CD300E: variants seen among roughly 807,000 people sequenced by gnomAD.
The protein encoded by CD300E is CD300e molecule.
A neutral mutation model predicts 20.9 loss-of-function variants in CD300E; 14 were observed. That is an observed-to-expected ratio of 0.67 (90% CI 0.44 to 1.05). CD300E has a LOEUF of 1.05. Ranked by LOEUF, CD300E falls within the 50% of genes least tolerant of loss-of-function variation. CD300E has a pLI of 0.00. For missense variants in CD300E, 237 were observed against 253.9 expected (o/e 0.93, Z 0.45); for synonymous variants, 102 against 103.7 (o/e 0.98, Z 0.10).
Position 74,617,272 on chromosome 17 carries a change from G to A in CD300E, c.234C>T (p.Ile78=), listed in dbSNP as rs921242138. 6.2e-7 allele frequency: 1 copy of A among 1,614,102 alleles called. No individual in the cohort carries two copies. Among genetic ancestry groups the A allele is most frequent in the Admixed American group, 1.7e-5 (1 of 60,010 alleles). Residue 78 remains isoleucine, a synonymous_variant, in exon 2 of 4, where the codon ATC becomes ATT. Coordinates refer to ENST00000392619, the MANE Select transcript of CD300E (RefSeq NM_181449.3). ...AGGCGAGAGCCTCCGGGTGGTCTCT[G>A]ATGGACACGCGGCCATTCCTCTCCA... ...EKVERNGRVS[I]RDHPEALAFT...
At chr17:74,621,165 T>G (rs557350728) in intron 1 of CD300E, among the ~76,000 whole-genome samples, 12 of 152,352 alleles carry the variant, frequency 7.9e-5, no homozygotes, top group African/African-American at 2.9e-4. Flanking sequence ...TTCTACTTAA[T>G]GTAAAAATAT....
intron 1 of CD300E, chr17:74,619,008 A>C: frequency 2.2e-6 from 1 of 458,884 alleles, no homozygotes; most frequent in Non-Finnish European, 4.6e-6. Flanking sequence ...TCCCATTCCC[A>C]AATCCCTGCT....
chr17:74,620,612 C>T (rs2030999772), intron 1 of CD300E, among the ~76,000 whole-genome samples: 1 of 151,304 alleles, frequency 6.6e-6, no homozygotes, highest in Non-Finnish European at 1.5e-5. Flanking sequence ...CATTGCACTC[C>T]AGCCTGGCAA....
At chr17:74,613,832 A>C (rs2030836481) in intron 3 of CD300E, 93 bp downstream of exon 3, 1 of 718,554 alleles carries the variant, frequency 1.4e-6, no homozygotes, top group Non-Finnish European at 2.4e-6. Flanking sequence ...AACAGCAGAC[A>C]GTGACGATCT....
chr17:74,621,050 A>AAAG (rs1038609842), intron 1 of CD300E, among the ~76,000 whole-genome samples: 6 of 152,164 alleles, frequency 3.9e-5, no homozygotes, highest in African/African-American at 7.2e-5. Context: ...CTCGAAAAAA[A>AAAG]AAGAAGAAGA....
intron 1 of CD300E, among the ~76,000 whole-genome samples, chr17:74,620,171 T>C (rs1055691460): frequency 6.6e-6 from 1 of 151,842 alleles, no homozygotes; most frequent in Non-Finnish European, 1.5e-5. Context: ...ATCCTGTCTC[T>C]ACTAAAAATA....
At chr17:74,620,881 A>G (rs1017129875) in intron 1 of CD300E, among the ~76,000 whole-genome samples, 1 of 151,934 alleles carries the variant, frequency 6.6e-6, no homozygotes, top group Non-Finnish European at 1.5e-5. Context: ...TGTCTCTACT[A>G]AAAATACAAA....
At chr17:74,619,012 C>G in intron 1 of CD300E, 1 of 461,950 alleles carries the variant, frequency 2.2e-6, no homozygotes, top group Non-Finnish European at 4.5e-6. Flanking sequence ...ATTCCCAAAT[C>G]CCTGCTCCCC....
intron 1 of CD300E, among the ~76,000 whole-genome samples, chr17:74,622,018 G>T (rs114738496): frequency 0.057 from 8,718 of 151,948 alleles, 304 homozygotes; most frequent in African/African-American, 0.079. Context: ...TGCCCAGGCT[G>T]ATCTCAAACT....
intron 2 of CD300E, among the ~76,000 whole-genome samples, chr17:74,614,668 G>C (rs2030861329): frequency 6.6e-6 from 1 of 152,118 alleles, no homozygotes; most frequent in Admixed American, 6.5e-5. Context: ...TTTTAGTTGA[G>C]ATGGGGTTTC....
chr17:74,612,866 C>G (rs2030814876), intron 3 of CD300E, 93 bp from the exon 4 acceptor site: 40 of 1,520,608 alleles, frequency 2.6e-5, no homozygotes, highest in Non-Finnish European at 3.5e-5. Flanking sequence ...ACTCTGGAGC[C>G]CAAATAACCC....
chr17:74,618,773 C>T (rs2030958743), intron 1 of CD300E, among the ~76,000 whole-genome samples: 1 of 152,038 alleles, frequency 6.6e-6, no homozygotes, highest in African/African-American at 2.4e-5. Flanking sequence ...CTCTTCCCAC[C>T]CTCCTGGTCC....
intron 2 of CD300E, among the ~76,000 whole-genome samples, chr17:74,614,994 C>T (rs867022609): frequency 1.0e-3 from 157 of 152,360 alleles, no homozygotes; most frequent in African/African-American, 3.5e-3. Context: ...CGATAAGCCG[C>T]GTTCAACCTC....
intron 1 of CD300E, chr17:74,619,144 C>T: frequency 2.1e-6 from 1 of 471,216 alleles, no homozygotes; most frequent in South Asian, 1.5e-5. Flanking sequence ...GTGGCACATC[C>T]CAGCAGCACC....
intron 2 of CD300E, among the ~76,000 whole-genome samples, chr17:74,616,672 G>T (rs1427265719): frequency 6.6e-6 from 1 of 152,120 alleles, no homozygotes; most frequent in Non-Finnish European, 1.5e-5. Flanking sequence ...TAGCATAGGG[G>T]GAGTAAGAGA....
intron 1 of CD300E, 56 bp from the exon 2 acceptor site, chr17:74,617,521 C>A (rs1416336858): frequency 2.1e-6 from 3 of 1,459,872 alleles, no homozygotes; most frequent in Non-Finnish European, 2.8e-6. Context: ...CATCAGCAGC[C>A]GTCTGTCTGA....
chr17:74,615,660 C>T (rs959215603), intron 2 of CD300E, among the ~76,000 whole-genome samples: 1 of 152,188 alleles, frequency 6.6e-6, no homozygotes, highest in African/African-American at 2.4e-5. Flanking sequence ...GAAAATCCCA[C>T]ATTTGGGAAA....
At chr17:74,612,815 A>AC (rs752523853) in intron 3 of CD300E, 42 bp from the exon 4 acceptor site, 1 of 1,606,988 alleles carries the variant, frequency 6.2e-7, no homozygotes, top group Non-Finnish European at 8.5e-7. Context: ...CCCCGGGAGA[A>AC]CCCCCAGGAC....
chr17:74,623,517 C>T (rs2143376909), intron 1 of CD300E, 65 bp downstream of exon 1: 2 of 1,535,538 alleles, frequency 1.3e-6, no homozygotes, highest in South Asian at 1.1e-5. Flanking sequence ...GAACCCAGGA[C>T]AGCTCTTCTA....
Sources: gnomAD v4.1 joint callset for allele counts (sites outside exome capture counted in the v4.1 genomes callset) on GRCh38, gnomAD v4.1.1 for gene constraint, MANE v1.5 for transcripts, NCBI Gene and HGNC (gene_info 2026-07-23, HGNC 2026-07-21) for gene names.